The following CAMSAP2 variants were observed in gnomAD, a reference collection of about 807,000 sequenced individuals.
The protein encoded by CAMSAP2 is calmodulin-regulated spectrin-associated protein 2.
In CAMSAP2, 26 loss-of-function variants were observed where a neutral mutation model predicts 146.1. The ratio of observed to expected loss-of-function variants is 0.18; its 90% CI spans 0.13 to 0.25. The LOEUF is 0.25. Ranked by LOEUF, CAMSAP2 falls within the 10% of genes least tolerant of loss-of-function variation. CAMSAP2 has a pLI of 1.00. For synonymous variants in CAMSAP2, 499 were observed against 596.6 expected (o/e 0.84, Z 2.38); for missense variants, 1,381 against 1,759.3 (o/e 0.78, Z 3.85).
intron 14 of CAMSAP2, among the ~76,000 whole-genome samples, chr1:200,855,758 A>C (rs1667734241): frequency 6.6e-6 from 1 of 151,832 alleles, no homozygotes; most frequent in Non-Finnish European, 1.5e-5. Flanking sequence ...CACCATGCCC[A>C]GCTAATTTTT....
rs71635513 is a variant in CAMSAP2 at position 200,824,005 on chromosome 1, G to C, written c.646-8195G>C. On this transcript the variant is annotated intron_variant, in intron 4 of 16. Coordinates refer to ENST00000358823, the MANE Select transcript of CAMSAP2 (RefSeq NM_203459.4). Reference sequence around the variant, plus strand: ...AAAATTTTACAGCATCAGCCACTGAGAGCTTTTTGGGGTTGGCTTTGGTAT... The same window carrying C: ...AAAATTTTACAGCATCAGCCACTGACAGCTTTTTGGGGTTGGCTTTGGTAT... 4.9e-3 allele frequency among the ~76,000 whole-genome samples: 745 copies of C among 152,270 alleles called. 3 individuals are homozygous for C. The highest frequency in any genetic ancestry group is 8.1e-3 in the Non-Finnish European group (550 of 68,010).
chr1:200,810,844 G>A lies in CAMSAP2; in HGVS notation c.561+3307G>A, dbSNP rs369224559. On this transcript the variant is annotated intron_variant, in intron 3 of 16. Transcript: ENST00000358823. Reference sequence around the variant, plus strand: ...GTGGAGGTTGCAGCGACTCGAGATTGCACCACTGCACACCAGCCTGGGCAA... The same window carrying A: ...GTGGAGGTTGCAGCGACTCGAGATTACACCACTGCACACCAGCCTGGGCAA... Among the ~76,000 whole-genome samples the A allele has an allele frequency of 5.9e-5, 9 of 152,066 alleles. No individual in the cohort carries two copies. The East Asian group carries it at 9.7e-4, about 16-fold the overall frequency.
rs1434492355 is a variant in CAMSAP2 at position 200,778,626 on chromosome 1, A to G, written c.399+17528A>G. On this transcript the variant is annotated intron_variant, in intron 2 of 16. Transcript: ENST00000358823. ...TTTAAAATTTAACAAATAATTAATCATGTTTAATATATAATACCTGCATTT... is the reference window on the plus strand; with the variant it reads ...TTTAAAATTTAACAAATAATTAATCGTGTTTAATATATAATACCTGCATTT... Among the ~76,000 whole-genome samples the G allele has an allele frequency of 3.9e-5, 6 of 152,152 alleles. No homozygotes were observed. The East Asian group carries it at 5.8e-4, about 15-fold the overall frequency.
chr1:200,742,816 A>G (rs1270333582), intron 1 of CAMSAP2, among the ~76,000 whole-genome samples: 2 of 151,842 alleles, frequency 1.3e-5, no homozygotes, highest in Non-Finnish European at 2.9e-5. Flanking sequence ...ATAGCTAGAA[A>G]TGTGAGCATA....
At chr1:200,747,906 G>T (rs917891365) in intron 1 of CAMSAP2, among the ~76,000 whole-genome samples, 3 of 148,608 alleles carry the variant, frequency 2.0e-5, no homozygotes, top group Non-Finnish European at 3.0e-5. Context: ...AGAATGGCGT[G>T]AACCCGGGAG....
At chr1:200,810,640 CT>C (rs1666305505) in intron 3 of CAMSAP2, among the ~76,000 whole-genome samples, 9 of 151,468 alleles carry the variant, frequency 5.9e-5, no homozygotes, top group Admixed American at 5.9e-4. Flanking sequence ...TGTAATCCCA[CT>C]ACTTTGGGAG....
rs1371053218 is a variant in CAMSAP2, at chr1:200,832,688, C to T, written c.788-18C>T. Reference sequence around the variant, plus strand: ...AAATTAATCCAAAGTCACCACCTTGCTCTTTTCTTATTTGAAGATATTTGT... The same window carrying T: ...AAATTAATCCAAAGTCACCACCTTGTTCTTTTCTTATTTGAAGATATTTGT... On this transcript the variant is annotated intron_variant, in intron 5 of 16. Coordinates refer to ENST00000358823, the MANE Select transcript of CAMSAP2 (RefSeq NM_203459.4). This position sits in a 1 kb window ranked among gnomAD's most constrained non-coding sequence, Gnocchi z 4.2. The T allele has an allele frequency of 6.3e-7, 1 of 1,582,100 alleles. No homozygotes were observed. Among genetic ancestry groups the T allele is most frequent in the South Asian group, 1.2e-5 (1 of 84,892 alleles).
intron 2 of CAMSAP2, among the ~76,000 whole-genome samples, chr1:200,762,550 G>A (rs1016001952): frequency 5.3e-5 from 8 of 152,290 alleles, no homozygotes; most frequent in Non-Finnish European, 4.4e-5. Flanking sequence ...TTCTGCTTCC[G>A]TTGTTTGAAG....
intron 6 of CAMSAP2, among the ~76,000 whole-genome samples, chr1:200,839,071 G>A (rs1457122586): frequency 6.6e-6 from 1 of 152,166 alleles, no homozygotes; most frequent in Non-Finnish European, 1.5e-5. Context: ...TGCTCGGTAG[G>A]CCACTGCATA....
intron 3 of CAMSAP2, among the ~76,000 whole-genome samples, chr1:200,813,496 TC>T (rs1666391089): frequency 6.6e-6 from 1 of 152,240 alleles, no homozygotes; most frequent in Admixed American, 6.5e-5. Context: ...TTGTTCTATC[TC>T]CCCTGCTTCA....
chr1:200,741,015 G>A (rs1400551149), intron 1 of CAMSAP2, among the ~76,000 whole-genome samples: 1 of 152,140 alleles, frequency 6.6e-6, no homozygotes, highest in African/African-American at 2.4e-5. Context: ...TTTTTCAGGG[G>A]GAGGGTGACT....
At chr1:200,796,636 A>G (rs536946048) in intron 2 of CAMSAP2, among the ~76,000 whole-genome samples, 4 of 150,384 alleles carry the variant, frequency 2.7e-5, no homozygotes, top group Admixed American at 2.6e-4. Context: ...TCTTTCAACA[A>G]TGTTTTGTAG....
At chr1:200,740,129 A>G (rs1664114950) in intron 1 of CAMSAP2, among the ~76,000 whole-genome samples, 163 bp downstream of exon 1, 1 of 152,212 alleles carries the variant, frequency 6.6e-6, no homozygotes, top group Non-Finnish European at 1.5e-5. Context: ...AAATAAGGAA[A>G]GCAGGTTTGG....
chr1:200,852,021 T>C (rs1667632148), intron 11 of CAMSAP2, among the ~76,000 whole-genome samples: 1 of 152,242 alleles, frequency 6.6e-6, no homozygotes, highest in East Asian at 1.9e-4. Context: ...CCATCTTTTC[T>C]TCAATGGAAA....
chr1:200,817,189 C>CATAT (rs1553288787), intron 4 of CAMSAP2, among the ~76,000 whole-genome samples: 11 of 112,068 alleles, frequency 9.8e-5, no homozygotes, highest in African/African-American at 3.8e-4. Context: ...CACACACACA[C>CATAT]ATGTGTGTGT....
chr1:200,762,904 C>CTTTTT (rs888757564), intron 2 of CAMSAP2, among the ~76,000 whole-genome samples: 1 of 147,716 alleles, frequency 6.8e-6, no homozygotes. Context: ...GACTTAGAAT[C>CTTTTT]TTTTTTTTTT....
intron 1 of CAMSAP2, among the ~76,000 whole-genome samples, chr1:200,748,185 C>T (rs1429101598): frequency 6.6e-6 from 1 of 152,144 alleles, no homozygotes; most frequent in Non-Finnish European, 1.5e-5. Context: ...TACCCATCAT[C>T]CAGCCCCTGC....
chr1:200,803,692 A>G (rs577819767), intron 2 of CAMSAP2, among the ~76,000 whole-genome samples: 1 of 152,280 alleles, frequency 6.6e-6, no homozygotes, highest in East Asian at 1.9e-4. Flanking sequence ...ACCACAGCAC[A>G]GTAGTGGAAT....
chr1:200,794,166 A>G, intron 2 of CAMSAP2, among the ~76,000 whole-genome samples: 1 of 152,208 alleles, frequency 6.6e-6, no homozygotes, highest in East Asian at 1.9e-4. Context: ...TTGCTTCTAA[A>G]TTATATTTTC....
Sources: gnomAD v4.1 joint callset for allele counts (sites outside exome capture counted in the v4.1 genomes callset) on GRCh38, gnomAD v4.1.1 for gene constraint, Gnocchi (gnomAD v3.1) non-coding constraint, MANE v1.5 for transcripts, NCBI Gene and HGNC (gene_info 2026-07-23, HGNC 2026-07-21) for gene names.